MACROD2: variants seen among roughly 807,000 people sequenced by gnomAD.
The protein encoded by MACROD2 is mono-ADP ribosylhydrolase 2, also known as ADP-ribose glycohydrolase MACROD2.
Under a neutral mutation model 70.4 loss-of-function variants are expected in MACROD2, and 36 were observed. The ratio of observed to expected loss-of-function variants is 0.51; its 90% CI spans 0.39 to 0.68. The LOEUF (loss-of-function observed/expected upper bound fraction) is 0.68, where lower values mean the gene tolerates loss of function less well. Among genes scored for constraint, MACROD2 ranks in the 30% least tolerant of loss-of-function variants. The probability of loss-of-function intolerance (pLI) is 0.00; values close to 1 mark genes in which losing one functional copy is unlikely to be tolerated. For synonymous variants in MACROD2, 172 were observed against 178.8 expected (o/e 0.96, Z 0.30); for missense variants, 496 against 538.4 (o/e 0.92, Z 0.78).
intron 8 of MACROD2, among the ~76,000 whole-genome samples, chr20:15,503,369 A>T (rs1243547811): frequency 6.6e-6 from 1 of 152,246 alleles, no homozygotes; most frequent in Non-Finnish European, 1.5e-5. Flanking sequence ...CTAAAGCTCA[A>T]GATAGAAGTA....
chr20:14,786,205 A>AGAG (rs1568794911), intron 5 of MACROD2, among the ~76,000 whole-genome samples: 1 of 28,432 alleles, frequency 3.5e-5, no homozygotes, highest in East Asian at 4.5e-4. Context: ...AGAGAAAGAT[A>AGAG]GAGAGAGAGA....
intron 8 of MACROD2, among the ~76,000 whole-genome samples, chr20:15,791,895 C>T (rs933905449): frequency 1.3e-5 from 2 of 151,948 alleles, no homozygotes; most frequent in Admixed American, 6.6e-5. Context: ...ACACTCCATC[C>T]AAATTTATTT....
chr20:14,890,787 AAAAG>A (rs2073746361), intron 5 of MACROD2, among the ~76,000 whole-genome samples: 1 of 151,362 alleles, frequency 6.6e-6, no homozygotes, highest in Non-Finnish European at 1.5e-5. Context: ...AATTAAAAAA[AAAAG>A]AAAGAAGGAA....
chr20:15,227,317 G>A (rs2076915532), intron 5 of MACROD2, among the ~76,000 whole-genome samples: 1 of 151,964 alleles, frequency 6.6e-6, no homozygotes, highest in Admixed American at 6.6e-5. Flanking sequence ...ACACTTATGG[G>A]CTTTTCTCTC....
intron 3 of MACROD2, among the ~76,000 whole-genome samples, chr20:14,293,465 C>G (rs913893961): frequency 6.6e-6 from 1 of 151,806 alleles, no homozygotes; most frequent in South Asian, 2.1e-4. Flanking sequence ...TCAGGTGAGA[C>G]CTTAATGACG....
intron 5 of MACROD2, among the ~76,000 whole-genome samples, chr20:14,737,138 G>T (rs1224228252): frequency 6.6e-6 from 1 of 152,010 alleles, no homozygotes; most frequent in Non-Finnish European, 1.5e-5. Context: ...GGTGTGTGTT[G>T]TTCCCCTCCC....
At chr20:14,520,987 C>A (rs528954723) in intron 4 of MACROD2, among the ~76,000 whole-genome samples, 1,548 of 145,212 alleles carry the variant, frequency 0.011, 9 homozygotes, top group African/African-American at 0.027. Flanking sequence ...ACACACACAC[C>A]CCCCAAATAG....
chr20:14,674,414 C>A (rs1385053177), intron 4 of MACROD2, among the ~76,000 whole-genome samples: 1 of 151,988 alleles, frequency 6.6e-6, no homozygotes, highest in African/African-American at 2.4e-5. Flanking sequence ...GAGATATAGC[C>A]AAAATTTATT....
intron 7 of MACROD2, among the ~76,000 whole-genome samples, chr20:15,450,286 T>G (rs1239239634): frequency 6.6e-6 from 1 of 151,972 alleles, no homozygotes; most frequent in African/African-American, 2.4e-5. Flanking sequence ...CTCTTACCTA[T>G]GTATATTGGT....
chr20:14,593,327 T>G (rs1981907394), intron 4 of MACROD2, among the ~76,000 whole-genome samples: 1 of 152,200 alleles, frequency 6.6e-6, no homozygotes, highest in Non-Finnish European at 1.5e-5. Flanking sequence ...GCAAGTAACA[T>G]TCTGATTTGT....
intron 5 of MACROD2, among the ~76,000 whole-genome samples, chr20:15,171,972 GA>G (rs1371663680): frequency 6.6e-6 from 1 of 152,122 alleles, no homozygotes; most frequent in Non-Finnish European, 1.5e-5. Context: ...ATGAGTGAAT[GA>G]ATAAAAAATG....
At chr20:14,118,173 A>G (rs535073827) in intron 3 of MACROD2, among the ~76,000 whole-genome samples, 29 of 152,350 alleles carry the variant, frequency 1.9e-4, no homozygotes, top group Admixed American at 1.2e-3. Context: ...TATTTGCTAC[A>G]TATATATTTT....
At chr20:15,240,929 T>G (rs1225450989) in intron 6 of MACROD2, among the ~76,000 whole-genome samples, 1 of 152,210 alleles carries the variant, frequency 6.6e-6, no homozygotes, top group African/African-American at 2.4e-5. Flanking sequence ...CTTGTTCTTG[T>G]TCTTTCCAAC....
At chr20:15,396,812 C>T (rs745894615) in intron 6 of MACROD2, among the ~76,000 whole-genome samples, 2 of 152,178 alleles carry the variant, frequency 1.3e-5, no homozygotes, top group African/African-American at 2.4e-5. Flanking sequence ...CTCTTTTATG[C>T]TCCCACTCAT....
chr20:14,711,482 T>C (rs1309667312), intron 5 of MACROD2, among the ~76,000 whole-genome samples: 1 of 152,210 alleles, frequency 6.6e-6, no homozygotes, highest in Non-Finnish European at 1.5e-5. Flanking sequence ...ATTGAAATGT[T>C]ATTAATCCTA....
chr20:14,968,925 G>T (rs1479723541), intron 5 of MACROD2, among the ~76,000 whole-genome samples: 1 of 152,088 alleles, frequency 6.6e-6, no homozygotes, highest in Non-Finnish European at 1.5e-5. Context: ...TTTCTCACTT[G>T]CTCAGAGAGA....
At chr20:14,190,156 C>T (rs2081373107) in intron 3 of MACROD2, among the ~76,000 whole-genome samples, 1 of 152,124 alleles carries the variant, frequency 6.6e-6, no homozygotes, top group African/African-American at 2.4e-5. Flanking sequence ...CTGGATATGC[C>T]ACTTTACTTC....
At chr20:14,577,303 A>G (rs947662537) in intron 4 of MACROD2, among the ~76,000 whole-genome samples, 5 of 152,248 alleles carry the variant, frequency 3.3e-5, no homozygotes, top group East Asian at 1.9e-4. Flanking sequence ...CTCAACCTTG[A>G]GAAAAACCCT....
intron 5 of MACROD2, among the ~76,000 whole-genome samples, chr20:15,121,759 A>G (rs2076032783): frequency 6.6e-6 from 1 of 152,182 alleles, no homozygotes; most frequent in African/African-American, 2.4e-5. Flanking sequence ...TTTGAAAGCC[A>G]GGAGGAGTTG....
Sources: gnomAD v4.1 joint callset for allele counts (sites outside exome capture counted in the v4.1 genomes callset) on GRCh38, gnomAD v4.1.1 for gene constraint, MANE v1.5 for transcripts, NCBI Gene and HGNC (gene_info 2026-07-23, HGNC 2026-07-21) for gene names.